The following KIF20B variants were observed in gnomAD, a reference collection of about 807,000 sequenced individuals.
KIF20B encodes the protein kinesin-like protein KIF20B.
Under a neutral mutation model 232.5 loss-of-function variants are expected in KIF20B, and 188 were observed. That is an observed-to-expected ratio of 0.81 (90% confidence interval 0.72 to 0.91). The LOEUF is 0.91. Among genes scored for constraint, KIF20B ranks in the 40% least tolerant of loss-of-function variants. The probability of loss-of-function intolerance (pLI) is 0.00; values close to 1 mark genes in which losing one functional copy is unlikely to be tolerated. For missense variants in KIF20B, 2,154 were observed against 2,055.9 expected (o/e 1.05, Z -0.92); for synonymous variants, 712 against 683.0 (o/e 1.04, Z -0.66).
chr10:89,748,493 A>G (rs1841962234), intron 23 of KIF20B, among the ~76,000 whole-genome samples: 3 of 152,216 alleles, frequency 2.0e-5, no homozygotes, highest in Admixed American at 1.3e-4. Flanking sequence ...CTTGGCCAAC[A>G]AAAGAAAGGG....
At chr10:89,763,504 C>CTT (rs1432007629) in intron 29 of KIF20B, among the ~76,000 whole-genome samples, 3 of 152,114 alleles carry the variant, frequency 2.0e-5, no homozygotes, top group Non-Finnish European at 4.4e-5. Context: ...AAATAGCTAA[C>CTT]TTGCTTGTGT....
intron 29 of KIF20B, among the ~76,000 whole-genome samples, chr10:89,767,034 G>C (rs1842376151): frequency 6.6e-6 from 1 of 151,468 alleles, no homozygotes; most frequent in South Asian, 2.1e-4. Context: ...TTTCAGAAAA[G>C]ATTTACAGAT....
chr10:89,711,193 T>A, intron 6 of KIF20B, 48 bp downstream of exon 6: 1 of 1,185,764 alleles, frequency 8.4e-7, no homozygotes, highest in Non-Finnish European at 1.2e-6. Flanking sequence ...CCTGACTTCT[T>A]ATAAACCCTT....
rs1255838748 is a variant in KIF20B, at chr10:89,737,541, TGAAAAG to T, written c.2704_2709del (p.Lys902_Glu903del). The T allele has an allele frequency of 6.2e-7, 1 of 1,607,938 alleles. No individual in the cohort carries two copies. The highest frequency in any genetic ancestry group is 1.7e-5 in the Admixed American group (1 of 59,198). On this transcript the variant is annotated inframe_deletion, in exon 20 of 33. Transcript: ENST00000371728. Reference sequence around the variant, plus strand: ...TCACTATTGAGAATGAACTTAAAAATGAAAAGGAAGAAAAAGCAGAATTAAATAAAC... The same window carrying T: ...TCACTATTGAGAATGAACTTAAAAATGAAGAAAAAGCAGAATTAAATAAAC...
intron 31 of KIF20B, among the ~76,000 whole-genome samples, chr10:89,770,295 C>T (rs941153646): frequency 2.0e-5 from 3 of 152,070 alleles, no homozygotes; most frequent in African/African-American, 7.2e-5. Flanking sequence ...TTGGGAACTT[C>T]TGACCTATCA....
At chr10:89,712,352 C>G (rs1036144657) in intron 6 of KIF20B, among the ~76,000 whole-genome samples, 15 of 152,056 alleles carry the variant, frequency 9.9e-5, no homozygotes, top group Admixed American at 7.2e-4. Flanking sequence ...CTCCTGGGCA[C>G]AAGTGATTCT....
At position 89,767,183 on chromosome 10, in the gene KIF20B, CT is replaced by C. The variant is rs59954065; in HGVS notation, c.4990-1093del. On this transcript the variant is annotated intron_variant, in intron 29 of 32. Coordinates refer to ENST00000371728, the MANE Select transcript of KIF20B (RefSeq NM_001284259.2). ...ATTTTCTTTTTTTCTTCCACATACT[CT>C]TTTTTTTTTTTTTAATTACTAAGTT... 7.5e-3 allele frequency among the ~76,000 whole-genome samples: 1,063 copies of C among 142,224 alleles called. 10 individuals carry two copies. The highest frequency in any genetic ancestry group is 0.02 in the African/African-American group (777 of 38,860). 93.3% of individuals were successfully genotyped at this position (142,224 alleles called of 152,430 possible).
chr10:89,763,595 G>A (rs2133169715), intron 29 of KIF20B, among the ~76,000 whole-genome samples: 1 of 152,170 alleles, frequency 6.6e-6, no homozygotes, highest in African/African-American at 2.4e-5. Context: ...TCATCAGCCA[G>A]TGTTAAAATT....
At chr10:89,748,583 A>G (rs1409272762) in intron 23 of KIF20B, among the ~76,000 whole-genome samples, 1 of 152,168 alleles carries the variant, frequency 6.6e-6, no homozygotes, top group African/African-American at 2.4e-5. Flanking sequence ...GGATGTGAAA[A>G]TATATCTCTG....
At chr10:89,763,822 CTA>C (rs983756904) in intron 29 of KIF20B, among the ~76,000 whole-genome samples, 14 of 147,580 alleles carry the variant, frequency 9.5e-5, no homozygotes, top group Middle Eastern at 3.6e-3. Context: ...ATTAATATAA[CTA>C]TTATTACTAT....
In KIF20B at chr10:89,738,309, T is replaced by TA; in HGVS notation, c.3469dup (p.Thr1157AsnfsTer4). Reference sequence around the variant, plus strand: ...CGCTTTCAGAACTTACACAAGGTGTTACTTGCTATAAGGCAAAAATAAAGG... The same window carrying TA: ...CGCTTTCAGAACTTACACAAGGTGTTAACTTGCTATAAGGCAAAAATAAAGG... On this transcript the variant is annotated frameshift_variant, in exon 20 of 33. Coordinates refer to ENST00000371728, the MANE Select transcript of KIF20B (RefSeq NM_001284259.2). LOFTEE classifies it high-confidence loss of function. 6.2e-7 allele frequency: 1 copy of TA among 1,612,438 alleles called. No homozygotes were observed. The highest frequency in any genetic ancestry group is 8.5e-7 in the Non-Finnish European group (1 of 1,179,454).
chr10:89,712,083 A>G (rs1842845897), intron 6 of KIF20B, among the ~76,000 whole-genome samples: 1 of 151,166 alleles, frequency 6.6e-6, no homozygotes, highest in East Asian at 1.9e-4. Flanking sequence ...GTGAATTGTC[A>G]CATGTTCTTT....
rs528217145 is a variant in KIF20B at position 89,730,762 on chromosome 10, A to G, written c.2391+1515A>G. 6.3e-4 allele frequency among the ~76,000 whole-genome samples: 96 copies of G among 152,288 alleles called. 1 individual carries two copies. Among genetic ancestry groups the G allele is most frequent in the Admixed American group, 2.4e-3 (37 of 15,292 alleles). The stretch of plus-strand genomic sequence containing the variant: ...AGGAGTAGTAGAATAGGATAAGATG[A>G]AAGACCTTGAATACTGCATTAAAGA... On this transcript the variant is annotated intron_variant, in intron 18 of 32. Transcript: ENST00000371728.
intron 25 of KIF20B, among the ~76,000 whole-genome samples, chr10:89,753,936 T>C (rs987497526): frequency 4.6e-5 from 7 of 152,034 alleles, no homozygotes; most frequent in Non-Finnish European, 7.4e-5. Context: ...TTTTAAGTGG[T>C]ATTATTATTT....
chr10:89,760,486 G>A (rs1243404533), intron 27 of KIF20B, 40 bp from the exon 28 acceptor site: 2 of 1,188,418 alleles, frequency 1.7e-6, no homozygotes, highest in African/African-American at 1.5e-5. Flanking sequence ...TATATTTTCA[G>A]GTTACAATGC....
intron 22 of KIF20B, among the ~76,000 whole-genome samples, chr10:89,745,154 G>C (rs1047804563): frequency 2.0e-5 from 3 of 152,022 alleles, no homozygotes; most frequent in Non-Finnish European, 2.9e-5. Flanking sequence ...ATTTTCCCTT[G>C]TTTCTGCTTT....
chr10:89,752,596 G>C lies in KIF20B; in HGVS notation c.4252G>C (p.Asp1418His). The part of the protein sequence containing the change: ...ELEKWKEKCN[D>H]LETKNNQRSN... ...GGAAAAATGGAAGGAAAAATGCAAT[G>C]ATTTGGAAACCAAAAACAATCAAAG... The change falls in exon 25 of 33, where the codon GAT (aspartate) becomes CAT (histidine). Residue 1418 changes from aspartate to histidine, a missense_variant. Physicochemically the swap from Asp to His is moderately conservative, Grantham distance 81 (BLOSUM62 -1). Transcript: ENST00000371728. 6.2e-7 allele frequency: 1 copy of C among 1,603,798 alleles called. No individual in the cohort carries two copies. Among genetic ancestry groups the C allele is most frequent in the Admixed American group, 1.7e-5 (1 of 58,430 alleles).
At position 89,740,229 on chromosome 10, in the gene KIF20B, CTGTCT is replaced by C. The variant is rs1391817697; in HGVS notation, c.3915+1135_3915+1139del. 3.1e-4 allele frequency among the ~76,000 whole-genome samples: 28 copies of C among 91,038 alleles called. No individual in the cohort carries two copies. In the Admixed American group the frequency reaches 3.7e-3, roughly 12 times the overall value. 59.7% of individuals were successfully genotyped at this position (91,038 alleles called of 152,430 possible). On this transcript the variant is annotated intron_variant, in intron 21 of 32. Coordinates refer to ENST00000371728, the MANE Select transcript of KIF20B (RefSeq NM_001284259.2). ...AAGTCATTTGTTCATTTTAATTGTG[CTGTCT>C]TTTTTTTTTTTTTTTTAAAGTATGT...
chr10:89,711,354 G>A (rs1842834323), intron 6 of KIF20B, among the ~76,000 whole-genome samples: 1 of 152,132 alleles, frequency 6.6e-6, no homozygotes, highest in African/African-American at 2.4e-5. Flanking sequence ...CAATACAAAT[G>A]TAAATGGTTC....
Sources: allele counts gnomAD v4.1 joint callset (sites outside exome capture counted in the v4.1 genomes callset), GRCh38; gene constraint gnomAD v4.1.1; transcripts MANE v1.5; gene names NCBI Gene and HGNC (gene_info 2026-07-23, HGNC 2026-07-21).